The following SHROOM3 variants were observed in gnomAD, a reference collection of about 807,000 sequenced individuals.
The protein encoded by SHROOM3 is protein Shroom3.
In SHROOM3, 47 loss-of-function variants were observed where a neutral mutation model predicts 138.6. The observed-to-expected ratio is 0.34, with a 90% CI of 0.27 to 0.43. The LOEUF (loss-of-function observed/expected upper bound fraction) is 0.43. Among genes scored for constraint, SHROOM3 ranks in the 20% least tolerant of loss-of-function variants. The pLI, the probability that SHROOM3 is intolerant of heterozygous loss-of-function variation, is 1.00. For synonymous variants in SHROOM3, 1,062 were observed against 1,063.3 expected, an observed-to-expected ratio of 1.00 and a Z score of 0.02; for missense variants, 2,491 against 2,596.5, an observed-to-expected ratio of 0.96 and a Z score of 0.88.
intron 2 of SHROOM3, among the ~76,000 whole-genome samples, chr4:76,566,169 T>C (rs1052662290): frequency 6.8e-6 from 1 of 146,952 alleles, no homozygotes; most frequent in Non-Finnish European, 1.5e-5. Context: ...GTACTGAAAA[T>C]GTACAGCCTT....
At chr4:76,530,933 G>A (rs991656146) in intron 1 of SHROOM3, among the ~76,000 whole-genome samples, 2 of 152,120 alleles carry the variant, frequency 1.3e-5, no homozygotes, top group Non-Finnish European at 1.5e-5. Flanking sequence ...AGAAAAAGTT[G>A]CCAAGGACTG....
At chr4:76,551,959 T>C (rs1733365845) in intron 1 of SHROOM3, among the ~76,000 whole-genome samples, 1 of 150,270 alleles carries the variant, frequency 6.7e-6, no homozygotes, top group African/African-American at 2.5e-5. Flanking sequence ...CCTCCTGGGT[T>C]CACGCCATTC....
intron 1 of SHROOM3, among the ~76,000 whole-genome samples, chr4:76,541,243 A>G (rs966327531): frequency 1.3e-5 from 2 of 152,256 alleles, no homozygotes; most frequent in African/African-American, 2.4e-5. Flanking sequence ...TGACTTAAAC[A>G]TAAACCAACT....
intron 3 of SHROOM3, among the ~76,000 whole-genome samples, chr4:76,723,418 A>G (rs549814192): frequency 6.6e-6 from 1 of 152,174 alleles, no homozygotes; most frequent in African/African-American, 2.4e-5. Flanking sequence ...AGCTCTTTGC[A>G]TGGTTAATTA....
intron 2 of SHROOM3, among the ~76,000 whole-genome samples, chr4:76,581,778 T>G (rs569931463): frequency 6.6e-6 from 1 of 152,344 alleles, no homozygotes; most frequent in African/African-American, 2.4e-5. Context: ...ACTGCCCAGT[T>G]TTCTTTCAAC....
intron 7 of SHROOM3, among the ~76,000 whole-genome samples, 176 bp from the exon 8 acceptor site, chr4:76,756,273 A>G (rs767217100): frequency 6.6e-6 from 1 of 152,166 alleles, no homozygotes; most frequent in Non-Finnish European, 1.5e-5. Flanking sequence ...TATAATCAGA[A>G]GCCATATTCT....
chr4:76,728,899 C>T lies in SHROOM3; in HGVS notation c.456-1905C>T, dbSNP rs1720786797. On this transcript the variant is annotated intron_variant, in intron 3 of 10. Coordinates refer to ENST00000296043, the MANE Select transcript of SHROOM3 (RefSeq NM_020859.4). ...CTGGGGAGCTCGGGGCAATACCTCA[C>T]TGGGGAGCTCGGGGCTGGGCGCCTC... is the stretch of plus-strand genomic sequence containing the variant. 2.0e-5 allele frequency among the ~76,000 whole-genome samples: 3 copies of T among 152,168 alleles called. No homozygotes were observed. The South Asian group carries it at 6.2e-4, about 32-fold the overall frequency.
intron 2 of SHROOM3, among the ~76,000 whole-genome samples, chr4:76,673,270 T>G (rs765342370): frequency 6.6e-6 from 1 of 152,186 alleles, no homozygotes; most frequent in African/African-American, 2.4e-5. Context: ...CAGACTTGAG[T>G]TGGAATCACA....
intron 1 of SHROOM3, among the ~76,000 whole-genome samples, chr4:76,499,488 G>A (rs1441807158): frequency 6.6e-6 from 1 of 152,204 alleles, no homozygotes; most frequent in Non-Finnish European, 1.5e-5. Context: ...CTTGTTTGAA[G>A]TAAATTTCAA....
At chr4:76,458,698 C>T (rs753124245) in intron 1 of SHROOM3, among the ~76,000 whole-genome samples, 10 of 152,142 alleles carry the variant, frequency 6.6e-5, no homozygotes, top group Non-Finnish European at 2.9e-5. Flanking sequence ...AAATGCCATA[C>T]AATTATCCTG....
chr4:76,437,340 C>G (rs1422908450), intron 1 of SHROOM3, among the ~76,000 whole-genome samples: 1 of 152,140 alleles, frequency 6.6e-6, no homozygotes, highest in Non-Finnish European at 1.5e-5. Flanking sequence ...TAGTGGCTCT[C>G]AGTAAATTGG....
chr4:76,708,317 T>C (rs1429446979), intron 2 of SHROOM3, among the ~76,000 whole-genome samples: 1 of 150,316 alleles, frequency 6.7e-6, no homozygotes, highest in African/African-American at 2.5e-5. Context: ...TCTCTAGGCA[T>C]CTCCCAGGAA....
At chr4:76,502,831 G>A (rs1182023285) in intron 1 of SHROOM3, among the ~76,000 whole-genome samples, 2 of 152,166 alleles carry the variant, frequency 1.3e-5, no homozygotes, top group African/African-American at 2.4e-5. Flanking sequence ...TGAGATTAGA[G>A]TCCTGATACG....
chr4:76,553,859 A>ATATT (rs1478000877), intron 1 of SHROOM3, among the ~76,000 whole-genome samples: 1 of 152,224 alleles, frequency 6.6e-6, no homozygotes, highest in African/African-American at 2.4e-5. Context: ...GAAGGTGCAG[A>ATATT]TATTTCCCAT....
At chr4:76,543,137 G>C (rs568794260) in intron 1 of SHROOM3, among the ~76,000 whole-genome samples, 1 of 152,162 alleles carries the variant, frequency 6.6e-6, no homozygotes, top group Non-Finnish European at 1.5e-5. Flanking sequence ...ACAGACTAGT[G>C]GGGGGCACAG....
chr4:76,577,756 G>C (rs976492865), intron 2 of SHROOM3, among the ~76,000 whole-genome samples: 3 of 152,158 alleles, frequency 2.0e-5, no homozygotes, highest in African/African-American at 7.2e-5. Context: ...AGCCACCACT[G>C]TTCTAACTCC....
intron 2 of SHROOM3, among the ~76,000 whole-genome samples, chr4:76,659,545 C>G (rs944949760): frequency 6.6e-6 from 1 of 152,180 alleles, no homozygotes; most frequent in Non-Finnish European, 1.5e-5. Context: ...AAGTATATAT[C>G]AGAAATCCAG....
intron 2 of SHROOM3, among the ~76,000 whole-genome samples, chr4:76,692,450 G>C (rs943644459): frequency 1.3e-4 from 20 of 152,178 alleles, no homozygotes; most frequent in Non-Finnish European, 2.4e-4. Context: ...CAGGGGTTAA[G>C]AAATTAAGTT....
Position 76,730,811 on chromosome 4 carries a change from GAGCCTGC to G in SHROOM3, c.466_472del (p.Pro156AlafsTer20). 1 of 1,614,050 alleles carries G rather than the reference GAGCCTGC, an allele frequency of 6.2e-7. No homozygotes were observed. Among genetic ancestry groups the G allele is most frequent in the Non-Finnish European group, 8.5e-7 (1 of 1,179,998 alleles). On this transcript the variant is annotated frameshift_variant, in exon 4 of 11. Transcript: ENST00000296043. LOFTEE classifies it high-confidence loss of function. Reference sequence around the variant, plus strand: ...CCTCCTGTGTCTCCCCAGGCGCAGTGAGCCTGCAGGCCGACCTCACTCGTGGCACACA... The same window carrying G: ...CCTCCTGTGTCTCCCCAGGCGCAGTGAGGCCGACCTCACTCGTGGCACACA...
Sources: gnomAD v4.1 joint callset for allele counts (sites outside exome capture counted in the v4.1 genomes callset) on GRCh38, gnomAD v4.1.1 for gene constraint, MANE v1.5 for transcripts, NCBI Gene and HGNC (gene_info 2026-07-23, HGNC 2026-07-21) for gene names.